ZNF385D: variants seen among roughly 807,000 people sequenced by gnomAD.
ZNF385D encodes the protein zinc finger protein 385D.
Under a neutral mutation model 35.8 loss-of-function variants are expected in ZNF385D, and 15 were observed. The ratio of observed to expected loss-of-function variants is 0.42; its 90% CI spans 0.28 to 0.64. The LOEUF is 0.64. Among genes scored for constraint, ZNF385D ranks in the 30% least tolerant of loss-of-function variants. The pLI is 0.23. For synonymous variants in ZNF385D, 212 were observed against 186.8 expected (o/e 1.13, Z -1.10); for missense variants, 474 against 494.6 (o/e 0.96, Z 0.39).
intron 3 of ZNF385D, among the ~76,000 whole-genome samples, chr3:21,767,449 C>T (rs1014797602): frequency 5.3e-5 from 8 of 152,016 alleles, no homozygotes; most frequent in African/African-American, 1.9e-4. Context: ...CTTTTACATG[C>T]TTCCTTAGCA....
At position 22,036,541 on chromosome 3, in the gene ZNF385D, G is replaced by C. The variant is rs182419447; in HGVS notation, c.325+132276C>G. On this transcript the variant is annotated intron_variant, in intron 3 of 5. Coordinates refer to the ZNF385D transcript ENST00000494108. The stretch of plus-strand genomic sequence containing the variant: ...AAATGGAAAGAAATAGTAGTGATAT[G>C]AGTATATGGCAAATGAATTTTTTTT... Among the ~76,000 whole-genome samples the C allele has an allele frequency of 2.0e-5, 3 of 152,086 alleles. No individual in the cohort carries two copies. In the East Asian group the frequency reaches 5.8e-4, roughly 29 times the overall value.
chr3:22,236,435 G>A (rs950909187), intron 2 of ZNF385D, among the ~76,000 whole-genome samples: 2 of 152,050 alleles, frequency 1.3e-5, no homozygotes, highest in Non-Finnish European at 1.5e-5. Context: ...GGCTTCAAGT[G>A]ATCCTCCCAT....
chr3:21,882,442 A>G (rs1387008523), intron 3 of ZNF385D, among the ~76,000 whole-genome samples: 1 of 152,014 alleles, frequency 6.6e-6, no homozygotes, highest in African/African-American at 2.4e-5. Context: ...TGTTTTATAC[A>G]TGATGCTATT....
At chr3:22,203,154 G>A in intron 2 of ZNF385D, among the ~76,000 whole-genome samples, 1 of 152,088 alleles carries the variant, frequency 6.6e-6, no homozygotes, top group East Asian at 1.9e-4. Flanking sequence ...GAGGAGAAGA[G>A]AGGGAAGACA....
intron 2 of ZNF385D, among the ~76,000 whole-genome samples, chr3:22,346,071 T>C (rs545053502): frequency 2.0e-5 from 3 of 152,300 alleles, no homozygotes; most frequent in Admixed American, 1.3e-4. Context: ...GGAACCCAAC[T>C]GCAATGAGCT....
At chr3:21,937,278 C>T (rs1701308812) in intron 3 of ZNF385D, among the ~76,000 whole-genome samples, 1 of 152,102 alleles carries the variant, frequency 6.6e-6, no homozygotes, top group Admixed American at 6.6e-5. Flanking sequence ...AGAACATCTT[C>T]AATCACAGCC....
chr3:22,062,335 G>A (rs947080968), intron 3 of ZNF385D, among the ~76,000 whole-genome samples: 1 of 152,154 alleles, frequency 6.6e-6, no homozygotes, highest in Admixed American at 6.5e-5. Flanking sequence ...AATTACAGCC[G>A]TGAGTCACTT....
intron 1 of ZNF385D, among the ~76,000 whole-genome samples, chr3:21,702,185 C>A (rs2067713772): frequency 6.6e-6 from 1 of 152,224 alleles, no homozygotes; most frequent in Admixed American, 6.5e-5. Flanking sequence ...GCCTGGGCAT[C>A]CAGGCGTTTC....
At chr3:22,149,693 G>T (rs1256494451) in intron 3 of ZNF385D, among the ~76,000 whole-genome samples, 2 of 152,096 alleles carry the variant, frequency 1.3e-5, no homozygotes, top group African/African-American at 4.8e-5. Context: ...ACAATTTACT[G>T]GTTAGTTAAT....
intron 3 of ZNF385D, among the ~76,000 whole-genome samples, chr3:22,012,124 C>T (rs75031339): frequency 6.6e-6 from 1 of 152,258 alleles, no homozygotes; most frequent in South Asian, 2.1e-4. Flanking sequence ...CTTTCTGGAT[C>T]AATTAGTAAT....
intron 4 of ZNF385D, among the ~76,000 whole-genome samples, chr3:21,493,768 T>C (rs1457624017): frequency 2.0e-5 from 3 of 152,096 alleles, no homozygotes; most frequent in Non-Finnish European, 4.4e-5. Context: ...CAGCCTAGAT[T>C]TTTAATTGTC....
chr3:21,927,410 G>A (rs1553700683), intron 3 of ZNF385D, among the ~76,000 whole-genome samples: 1 of 152,116 alleles, frequency 6.6e-6, no homozygotes, highest in Non-Finnish European at 1.5e-5. Context: ...AAAAATCTGT[G>A]TGCAACAGTT....
chr3:21,723,080 T>C (rs1427017328), intron 1 of ZNF385D, among the ~76,000 whole-genome samples: 1 of 151,576 alleles, frequency 6.6e-6, no homozygotes, highest in African/African-American at 2.4e-5. Context: ...TTATAAAGGG[T>C]AAAAAACAAA....
intron 2 of ZNF385D, among the ~76,000 whole-genome samples, chr3:22,227,517 T>C (rs912821124): frequency 2.5e-4 from 38 of 152,186 alleles, no homozygotes; most frequent in Admixed American, 2.2e-3. Flanking sequence ...CACAGTTGTC[T>C]TGGCTTCAAT....
At chr3:21,622,301 A>G (rs927191549) in intron 2 of ZNF385D, among the ~76,000 whole-genome samples, 98 of 152,270 alleles carry the variant, frequency 6.4e-4, no homozygotes, top group African/African-American at 2.3e-3. Flanking sequence ...CCTTGACACA[A>G]ACAGTTAACA....
intron 3 of ZNF385D, among the ~76,000 whole-genome samples, chr3:22,167,548 G>T (rs918322789): frequency 6.6e-5 from 10 of 152,122 alleles, no homozygotes; most frequent in African/African-American, 2.4e-4. Flanking sequence ...ACCAATCATG[G>T]GTACAGAGAA....
At chr3:22,232,973 A>T in intron 2 of ZNF385D, among the ~76,000 whole-genome samples, 1 of 151,968 alleles carries the variant, frequency 6.6e-6, no homozygotes, top group Admixed American at 6.6e-5. Flanking sequence ...TGTTTTTATC[A>T]TTTTTGTTTG....
chr3:21,717,517 C>T (rs765452183), intron 1 of ZNF385D, among the ~76,000 whole-genome samples: 1 of 152,178 alleles, frequency 6.6e-6, no homozygotes. Flanking sequence ...GCATGTCACT[C>T]CTCTGGTTAA....
intron 1 of ZNF385D, among the ~76,000 whole-genome samples, chr3:21,750,052 G>A (rs1402161139): frequency 2.0e-5 from 3 of 152,188 alleles, no homozygotes; most frequent in African/African-American, 7.2e-5. Flanking sequence ...ACTTACAGAA[G>A]GAAAGCATAA....
Sources: gnomAD v4.1 joint callset for allele counts (sites outside exome capture counted in the v4.1 genomes callset) on GRCh38, gnomAD v4.1.1 for gene constraint, MANE v1.5 for transcripts, NCBI Gene and HGNC (gene_info 2026-07-23, HGNC 2026-07-21) for gene names.